LRMDA: variants seen among roughly 807,000 people sequenced by gnomAD.
LRMDA encodes leucine-rich melanocyte differentiation-associated protein.
Under a neutral mutation model 29.8 loss-of-function variants are expected in LRMDA, and 18 were observed. The observed-to-expected ratio is 0.60, with a 90% CI of 0.42 to 0.90. The LOEUF is 0.90. LRMDA is among the 40% of genes least tolerant of loss of function. The probability of loss-of-function intolerance (pLI) is 0.00; values close to 1 mark genes in which losing one functional copy is unlikely to be tolerated. For missense variants in LRMDA, 273 were observed against 273.9 expected (o/e 1.00, Z 0.02); for synonymous variants, 125 against 109.4 (o/e 1.14, Z -0.89).
At chr10:75,543,319 T>C (rs1013578974) in intron 2 of LRMDA, among the ~76,000 whole-genome samples, 7 of 152,252 alleles carry the variant, frequency 4.6e-5, no homozygotes, top group African/African-American at 1.7e-4. Context: ...TATTCTATTA[T>C]ATAAGCCCTG....
At chr10:75,557,477 G>T (rs1221597677) in intron 2 of LRMDA, among the ~76,000 whole-genome samples, 1 of 152,140 alleles carries the variant, frequency 6.6e-6, no homozygotes, top group African/African-American at 2.4e-5. Flanking sequence ...TTGGGATTTT[G>T]GGAGGCAGCC....
intron 6 of LRMDA, among the ~76,000 whole-genome samples, chr10:76,356,351 C>T (rs1162164100): frequency 3.3e-5 from 5 of 152,066 alleles, no homozygotes; most frequent in Non-Finnish European, 7.4e-5. Flanking sequence ...GAAGCAATAC[C>T]AGAAGAGAAC....
chr10:75,874,967 TAGGC>T (rs1845171957), intron 2 of LRMDA, among the ~76,000 whole-genome samples: 1 of 152,182 alleles, frequency 6.6e-6, no homozygotes, highest in Non-Finnish European at 1.5e-5. Flanking sequence ...CACATGCAGA[TAGGC>T]AGGGAATATA....
chr10:76,432,679 G>C (rs960222518), intron 6 of LRMDA, among the ~76,000 whole-genome samples: 3 of 152,230 alleles, frequency 2.0e-5, no homozygotes, highest in African/African-American at 7.2e-5. Context: ...AAGCATCAGT[G>C]ATCTAGTCCA....
chr10:75,494,515 C>CTT (rs34902194), intron 2 of LRMDA, among the ~76,000 whole-genome samples: 25,609 of 102,998 alleles, frequency 0.25, 4,155 homozygotes, highest in African/African-American at 0.47. Context: ...ATGTTTGTTC[C>CTT]TTTTTTTTTT....
rs541745718 is a variant in LRMDA at position 75,577,928 on chromosome 10, A to AGT, written c.131+139434_131+139435insGT. Among the ~76,000 whole-genome samples, 1,096 of 152,302 alleles carry AGT rather than the reference A, an allele frequency of 7.2e-3. 16 individuals are homozygous for AGT. The highest frequency in any genetic ancestry group is 0.025 in the African/African-American group (1,021 of 41,558). ...AGGATCAACTAGTACCAGCCACTGC[A>AGT]AAAACATACCAAATTGTAAAGACCA... On this transcript the variant is annotated intron_variant, in intron 2 of 6. Coordinates refer to ENST00000611255, the MANE Select transcript of LRMDA (RefSeq NM_001305581.2).
chr10:75,841,943 C>T (rs1331045898), intron 2 of LRMDA, among the ~76,000 whole-genome samples: 1 of 152,186 alleles, frequency 6.6e-6, no homozygotes, highest in East Asian at 1.9e-4. Flanking sequence ...TCTGTTTCTT[C>T]ATTGGTAGAT....
At chr10:75,815,747 G>A (rs954452384) in intron 2 of LRMDA, among the ~76,000 whole-genome samples, 9 of 152,154 alleles carry the variant, frequency 5.9e-5, no homozygotes, top group Non-Finnish European at 8.8e-5. Flanking sequence ...TGAGATTTGG[G>A]ACTTGTTATT....
rs1554816010 is a variant in LRMDA at position 76,365,071 on chromosome 10, TACACAC to T, written c.601+40596_601+40601del. ...TGCATAGTATTCCATCGTATATATA[TACACAC>T]ACACACACATATATATATATATATA... On this transcript the variant is annotated intron_variant, in intron 6 of 6. Coordinates refer to ENST00000611255, the MANE Select transcript of LRMDA (RefSeq NM_001305581.2). Among the ~76,000 whole-genome samples the T allele has an allele frequency of 4.2e-3, 386 of 91,544 alleles. 6 individuals are homozygous for T. The highest frequency in any genetic ancestry group is 0.015 in the African/African-American group (360 of 23,390). 60.1% of individuals were successfully genotyped at this position (91,544 alleles called of 152,430 possible).
intron 2 of LRMDA, among the ~76,000 whole-genome samples, chr10:75,626,377 G>T (rs1299590794): frequency 6.6e-6 from 1 of 152,162 alleles, no homozygotes; most frequent in Non-Finnish European, 1.5e-5. Flanking sequence ...GCTGGTCAGG[G>T]GTAGGGGGCA....
At chr10:76,493,149 G>A (rs143380530) in intron 6 of LRMDA, among the ~76,000 whole-genome samples, 3,966 of 152,150 alleles carry the variant, frequency 0.026, 72 homozygotes, top group Non-Finnish European at 0.038. Context: ...AGAGATTGGA[G>A]TGAAAAACCT....
intron 5 of LRMDA, among the ~76,000 whole-genome samples, chr10:76,060,132 C>T (rs920854866): frequency 2.0e-5 from 3 of 152,130 alleles, no homozygotes; most frequent in African/African-American, 7.2e-5. Context: ...CATGACCAAA[C>T]CCAGCAAAAG....
At chr10:75,636,395 A>G (rs925568030) in intron 2 of LRMDA, among the ~76,000 whole-genome samples, 3 of 152,194 alleles carry the variant, frequency 2.0e-5, no homozygotes, top group Admixed American at 1.3e-4. Context: ...CTCACTTTCC[A>G]ATGCCAAACA....
chr10:76,044,641 C>A (rs1469277125), intron 3 of LRMDA, among the ~76,000 whole-genome samples: 3 of 152,172 alleles, frequency 2.0e-5, no homozygotes, highest in Middle Eastern at 6.8e-3. Context: ...CCTGGCCACC[C>A]ACCCCTCTGT....
intron 5 of LRMDA, among the ~76,000 whole-genome samples, chr10:76,074,325 G>T (rs1176867101): frequency 6.6e-6 from 1 of 152,004 alleles, no homozygotes; most frequent in Non-Finnish European, 1.5e-5. Context: ...TTTGTTTTTC[G>T]GGGGGTGGGA....
At chr10:76,335,096 C>T (rs1016816669) in intron 6 of LRMDA, among the ~76,000 whole-genome samples, 3 of 152,168 alleles carry the variant, frequency 2.0e-5, no homozygotes, top group Non-Finnish European at 4.4e-5. Flanking sequence ...GTTGTGGATT[C>T]TTGTCTAGTT....
In LRMDA at chr10:76,353,525, G is replaced by A. The variant is rs576017130; in HGVS notation, c.601+29040G>A. 5.7e-4 allele frequency among the ~76,000 whole-genome samples: 87 copies of A among 152,212 alleles called. 1 individual carries two copies. The highest frequency in any genetic ancestry group is 1.0e-3 in the Non-Finnish European group (71 of 68,016). ...GTCAGGAACAGTCTGATGATGACACGTTCGAAGCTCCGCAGACTGGCTTGC... is the reference window on the plus strand; with the variant it reads ...GTCAGGAACAGTCTGATGATGACACATTCGAAGCTCCGCAGACTGGCTTGC... On this transcript the variant is annotated intron_variant, in intron 6 of 6. Coordinates refer to ENST00000611255, the MANE Select transcript of LRMDA (RefSeq NM_001305581.2).
intron 2 of LRMDA, among the ~76,000 whole-genome samples, chr10:75,978,835 G>T (rs375936212): frequency 6.6e-6 from 1 of 152,184 alleles, no homozygotes; most frequent in Non-Finnish European, 1.5e-5. Flanking sequence ...GTGATACAAT[G>T]TTATAATGTT....
At chr10:75,935,106 CTT>C (rs970551975) in intron 2 of LRMDA, among the ~76,000 whole-genome samples, 3 of 152,122 alleles carry the variant, frequency 2.0e-5, no homozygotes, top group African/African-American at 7.2e-5. Context: ...AACAAGAATC[CTT>C]TTTCTTTCCC....
Sources: gnomAD v4.1 joint callset for allele counts (sites outside exome capture counted in the v4.1 genomes callset) on GRCh38, gnomAD v4.1.1 for gene constraint, MANE v1.5 for transcripts, NCBI Gene and HGNC (gene_info 2026-07-23, HGNC 2026-07-21) for gene names.